The following CERS6 variants were observed in gnomAD, a reference collection of about 807,000 sequenced individuals.
CERS6 encodes LAG1 homolog, ceramide synthase 6.
CERS6 carries 26 observed loss-of-function variants against 56.8 expected under a neutral mutation model. The observed-to-expected ratio is 0.46, with a 90% CI of 0.34 to 0.63. CERS6 has a LOEUF of 0.63. Among genes scored for constraint, CERS6 ranks in the 30% least tolerant of loss-of-function variants. CERS6 has a pLI of 0.01. For missense variants in CERS6, 415 were observed against 467.5 expected, an observed-to-expected ratio of 0.89 and a Z score of 1.04; for synonymous variants, 164 against 173.3, an observed-to-expected ratio of 0.95 and a Z score of 0.42.
intron 5 of CERS6, among the ~76,000 whole-genome samples, chr2:168,693,307 T>C (rs995469623): frequency 6.6e-6 from 1 of 152,110 alleles, no homozygotes; most frequent in Non-Finnish European, 1.5e-5. Flanking sequence ...TCAAAGAAAT[T>C]AACATGTGAG....
chr2:168,667,804 A>G (rs1489303887), intron 4 of CERS6, among the ~76,000 whole-genome samples: 1 of 152,226 alleles, frequency 6.6e-6, no homozygotes. Flanking sequence ...ACCTTCAAAT[A>G]GTTCTGTCTA....
chr2:168,579,554 C>A (rs1476928528), intron 3 of CERS6, among the ~76,000 whole-genome samples: 1 of 152,142 alleles, frequency 6.6e-6, no homozygotes, highest in East Asian at 1.9e-4. Context: ...CTCCACACCC[C>A]CTTTTCTTCT....
intron 1 of CERS6, among the ~76,000 whole-genome samples, chr2:168,509,598 C>T (rs1385853249): frequency 2.0e-5 from 3 of 152,064 alleles, no homozygotes; most frequent in South Asian, 2.1e-4. Context: ...ATGGGAATGT[C>T]GGGTTAATCA....
At chr2:168,493,624 A>G (rs1365677932) in intron 1 of CERS6, among the ~76,000 whole-genome samples, 4 of 152,064 alleles carry the variant, frequency 2.6e-5, no homozygotes, top group African/African-American at 9.7e-5. Context: ...ACAATGTAAT[A>G]TGGCCTTCAG....
intron 3 of CERS6, among the ~76,000 whole-genome samples, chr2:168,578,234 T>C (rs896510611): frequency 2.0e-5 from 3 of 152,054 alleles, no homozygotes; most frequent in Non-Finnish European, 4.4e-5. Flanking sequence ...AAGTCTCTTA[T>C]GTCCCTCAGT....
intron 4 of CERS6, among the ~76,000 whole-genome samples, chr2:168,686,760 T>C (rs1004291982): frequency 2.6e-5 from 4 of 152,198 alleles, no homozygotes; most frequent in Non-Finnish European, 4.4e-5. Context: ...TCTCTACTTA[T>C]CAGCTGTGTA....
intron 4 of CERS6, among the ~76,000 whole-genome samples, chr2:168,668,897 ATACATATGCAT>A (rs1334958005): frequency 6.6e-6 from 1 of 152,252 alleles, no homozygotes; most frequent in Non-Finnish European, 1.5e-5. Context: ...TGCTAGAATT[ATACATATGCAT>A]GACTTTTGAG....
intron 3 of CERS6, among the ~76,000 whole-genome samples, chr2:168,573,518 G>A (rs1265774187): frequency 6.6e-6 from 1 of 152,158 alleles, no homozygotes; most frequent in Non-Finnish European, 1.5e-5. Flanking sequence ...TGTTTATCTA[G>A]TGATACCCAT....
intron 1 of CERS6, among the ~76,000 whole-genome samples, chr2:168,526,947 C>T (rs1400357977): frequency 6.6e-6 from 1 of 152,228 alleles, no homozygotes; most frequent in Middle Eastern, 3.2e-3. Flanking sequence ...CGTTTGAACA[C>T]GTGAAGAACA....
intron 1 of CERS6, among the ~76,000 whole-genome samples, chr2:168,483,697 T>C (rs759222958): frequency 4.3e-4 from 66 of 152,320 alleles, no homozygotes; most frequent in Non-Finnish European, 6.6e-4. Context: ...TTTGAATCCC[T>C]GGGGATTGAA....
At chr2:168,637,090 TC>T (rs1684877448) in intron 4 of CERS6, among the ~76,000 whole-genome samples, 1 of 152,176 alleles carries the variant, frequency 6.6e-6, no homozygotes, top group Non-Finnish European at 1.5e-5. Context: ...GGTGAGCTGG[TC>T]CCACCTCCTT....
intron 3 of CERS6, among the ~76,000 whole-genome samples, chr2:168,575,315 C>T (rs1236286745): frequency 2.0e-5 from 3 of 152,142 alleles, no homozygotes; most frequent in African/African-American, 7.2e-5. Flanking sequence ...TTAATTGACT[C>T]ACAGTTTCTC....
chr2:168,695,302 G>A (rs950200719), intron 6 of CERS6, among the ~76,000 whole-genome samples: 29 of 152,100 alleles, frequency 1.9e-4, no homozygotes, highest in African/African-American at 5.5e-4. Context: ...ATGAATCCCC[G>A]TAGAAATGAT....
At chr2:168,516,640 G>A (rs999049792) in intron 1 of CERS6, among the ~76,000 whole-genome samples, 3 of 152,140 alleles carry the variant, frequency 2.0e-5, no homozygotes, top group South Asian at 2.1e-4. Flanking sequence ...GTTTCTTGGC[G>A]GAGCGGCTAG....
At chr2:168,460,973 TGAGAGAGCGAGAGAGA>T (rs1693767769) in intron 1 of CERS6, among the ~76,000 whole-genome samples, 1 of 151,190 alleles carries the variant, frequency 6.6e-6, no homozygotes, top group African/African-American at 2.4e-5. Context: ...CTAGGATAGT[TGAGAGAGCGAGAGAGA>T]GAGAGAGTGT....
Position 168,535,038 on chromosome 2 carries a change from T to C in CERS6, c.171-12558T>C, listed in dbSNP as rs1166525988. On this transcript the variant is annotated intron_variant, in intron 1 of 9. Transcript: ENST00000305747. ...TGTGTTGGGCTGTCGGGGACACGTC[T>C]TGGGACCAAGCCGTCCAGCCTCCCT... Among the ~76,000 whole-genome samples, 3 of 152,332 alleles carry C rather than the reference T, an allele frequency of 2.0e-5. No homozygotes were observed. The East Asian group carries it at 5.8e-4, about 29-fold the overall frequency.
chr2:168,465,532 G>A (rs1474949309), intron 1 of CERS6, among the ~76,000 whole-genome samples: 2 of 152,126 alleles, frequency 1.3e-5, no homozygotes. Context: ...TCAGACCATA[G>A]CAACATACAA....
chr2:168,672,824 A>G (rs770951790), intron 4 of CERS6, among the ~76,000 whole-genome samples: 42 of 152,232 alleles, frequency 2.8e-4, no homozygotes, highest in Non-Finnish European at 5.9e-4. Flanking sequence ...CCCCCAAAAA[A>G]TGATTACACA....
chr2:168,523,539 C>T (rs1041111278), intron 1 of CERS6, among the ~76,000 whole-genome samples: 1 of 151,996 alleles, frequency 6.6e-6, no homozygotes, highest in African/African-American at 2.4e-5. Flanking sequence ...ACGACAGTGG[C>T]ACGTGCAGCA....
Sources: allele counts gnomAD v4.1 joint callset (sites outside exome capture counted in the v4.1 genomes callset), GRCh38; gene constraint gnomAD v4.1.1; transcripts MANE v1.5; gene names NCBI Gene and HGNC (gene_info 2026-07-23, HGNC 2026-07-21).